The following MCM9 variants were observed in gnomAD, a reference collection of about 807,000 sequenced individuals.
MCM9 encodes DNA helicase MCM9.
MCM9 carries 55 observed loss-of-function variants against 72.8 expected under a neutral mutation model. The observed-to-expected ratio is 0.76, with a 90% CI of 0.61 to 0.95. MCM9 has a LOEUF of 0.95. MCM9 is among the 40% of genes least tolerant of loss of function. MCM9 has a pLI of 0.00. For missense variants in MCM9, 1,279 were observed against 1,377.0 expected (o/e 0.93, Z 1.13); for synonymous variants, 480 against 503.4 (o/e 0.95, Z 0.62).
rs1780561822 is a variant in MCM9, at chr6:118,911,681, C to T, written c.1119G>A (p.Val373=). ...KYAAKITPRS[V]LTTGIGSTSA... ...TAGTAGATCCAATTCCTGTGGTCAGCACAGATCTTGGTGTAATCTTTGCTG... is the reference window on the plus strand; with the variant it reads ...TAGTAGATCCAATTCCTGTGGTCAGTACAGATCTTGGTGTAATCTTTGCTG... The change falls in exon 8 of 14, where the codon GTG becomes GTA. Residue 373 remains valine (V), a synonymous_variant. Transcript: ENST00000619706. 1 of 1,613,438 alleles carries T rather than the reference C, an allele frequency of 6.2e-7. No individual in the cohort carries two copies. Among genetic ancestry groups the T allele is most frequent in the African/African-American group, 1.3e-5 (1 of 74,870 alleles).
intron 9 of MCM9, among the ~76,000 whole-genome samples, chr6:118,854,345 T>C (rs1423743540): frequency 6.6e-6 from 1 of 152,032 alleles, no homozygotes; most frequent in African/African-American, 2.4e-5. Flanking sequence ...GAGACGCAGG[T>C]GTTTTTTGTT....
chr6:118,930,288 A>G (rs971894426), intron 3 of MCM9, among the ~76,000 whole-genome samples: 3 of 151,422 alleles, frequency 2.0e-5, no homozygotes, highest in Non-Finnish European at 2.9e-5. Context: ...TTTTTTTTGT[A>G]TTTTTTGTAG....
chr6:118,814,489 T>C lies in MCM9; in HGVS notation c.*335A>G, dbSNP rs1773286563. On this transcript the variant is annotated 3_prime_UTR_variant, in exon 14 of 14. Transcript: ENST00000619706. ...GTTCCTGAGTGAATGAAAGAAGAAA[T>C]TAATCTAGGGAAGAACCTCTCCCCC... 5.4e-6 allele frequency: 1 copy of C among 184,324 alleles called. No homozygotes were observed. Among genetic ancestry groups the C allele is most frequent in the South Asian group, 1.9e-4 (1 of 5,200 alleles). The allele number at this position is 184,324 out of a possible 1,614,324, so 11.4% of individuals were successfully genotyped here. A position where few individuals can be genotyped will look rare whatever the true frequency, so the allele number is the denominator to read the frequency against.
At chr6:118,836,206 T>C (rs919990616) in intron 9 of MCM9, among the ~76,000 whole-genome samples, 1 of 152,206 alleles carries the variant, frequency 6.6e-6, no homozygotes, top group African/African-American at 2.4e-5. Context: ...GCCAACTTGA[T>C]CGTGGTGGAC....
At chr6:118,931,868 C>T in intron 2 of MCM9, 130 bp from the exon 3 acceptor site, 1 of 692,838 alleles carries the variant, frequency 1.4e-6, no homozygotes, top group Non-Finnish European at 2.3e-6. Flanking sequence ...TATCTGAATT[C>T]AAATCTTAAT....
chr6:118,906,580 T>C (rs576309117), intron 8 of MCM9, among the ~76,000 whole-genome samples: 1 of 152,330 alleles, frequency 6.6e-6, no homozygotes, highest in South Asian at 2.1e-4. Flanking sequence ...ATGAATACGG[T>C]TATCTCAAAA....
intron 8 of MCM9, among the ~76,000 whole-genome samples, chr6:118,873,324 C>T (rs1005105366): frequency 1.3e-5 from 2 of 151,958 alleles, no homozygotes; most frequent in South Asian, 2.1e-4. Context: ...ACACAGAAAG[C>T]AATGACAATC....
rs150000893 is a variant in MCM9, at chr6:118,864,239, C to T, written c.1151-7694G>A. ...CCACCATTCCCCGAGTCCCCAAAGT[C>T]CATTATATCATTCTCATGCTTTTGC... On this transcript the variant is annotated intron_variant, in intron 8 of 13. Coordinates refer to ENST00000619706, the MANE Select transcript of MCM9 (RefSeq NM_017696.3). Among the ~76,000 whole-genome samples, 805 of 152,132 alleles carry T rather than the reference C, an allele frequency of 5.3e-3. 8 individuals are homozygous for T. The highest frequency in any genetic ancestry group is 0.019 in the African/African-American group (779 of 41,470).
chr6:118,927,253 G>A (rs1346672986), intron 3 of MCM9, among the ~76,000 whole-genome samples: 1 of 152,198 alleles, frequency 6.6e-6, no homozygotes. Context: ...CTGACGTTAT[G>A]CATGATTGAA....
chr6:118,905,368 CT>C (rs35820434), intron 8 of MCM9, among the ~76,000 whole-genome samples: 128,689 of 152,172 alleles, frequency 0.85, 54,522 homozygotes, highest in East Asian at 0.93. Context: ...GTGTATAATC[CT>C]TTCATGAACC....
At chr6:118,858,425 G>C (rs1776702624) in intron 8 of MCM9, among the ~76,000 whole-genome samples, 1 of 152,032 alleles carries the variant, frequency 6.6e-6, no homozygotes, top group African/African-American at 2.4e-5. Context: ...AAGACTGAAT[G>C]TTTCCTCATC....
chr6:118,910,421 C>A (rs887250419), intron 8 of MCM9, among the ~76,000 whole-genome samples: 11 of 152,036 alleles, frequency 7.2e-5, no homozygotes, highest in African/African-American at 2.4e-4. Flanking sequence ...ATGATCTTTG[C>A]ATTAAAAAGG....
chr6:118,908,380 TTAAGAA>T (rs1780314221), intron 8 of MCM9: 1 of 152,118 alleles, frequency 6.6e-6, no homozygotes, highest in African/African-American at 2.4e-5. Context: ...CTCCCTGTGT[TTAAGAA>T]TAGGGGATTA....
Position 118,917,689 on chromosome 6 carries a change from A to G in MCM9, c.776T>C (p.Val259Ala), listed in dbSNP as rs1379934572. 1 of 1,613,972 alleles carries G rather than the reference A, an allele frequency of 6.2e-7. No individual in the cohort carries two copies. The highest frequency in any genetic ancestry group is 8.5e-7 in the Non-Finnish European group (1 of 1,180,022). Reference sequence around the variant, plus strand: ...GTAATTTGCTTTCAGGACTATCTCCACTTCACAGCGCACATCTTGCTGAAA... The same window carrying G: ...GTAATTTGCTTTCAGGACTATCTCCGCTTCACAGCGCACATCTTGCTGAAA... ...KPFQQDVRCE[V>A]EIVLKANYIQ... is the part of the protein sequence containing the mutation. The change falls in exon 6 of 14, where the codon GTG becomes GCG. Residue 259 changes from valine (V) to alanine (A), a missense_variant. Transcript: ENST00000619706.
chr6:118,920,742 G>T (rs1377344156), intron 5 of MCM9: 5 of 152,192 alleles, frequency 3.3e-5, no homozygotes, highest in Non-Finnish European at 5.9e-5. Flanking sequence ...TAAACTTCCT[G>T]ATGCCTCAGA....
At chr6:118,834,270 T>C (rs1774797370) in intron 9 of MCM9, among the ~76,000 whole-genome samples, 1 of 152,236 alleles carries the variant, frequency 6.6e-6, no homozygotes, top group South Asian at 2.1e-4. Context: ...TTGATGGGCA[T>C]TTGGGTTACT....
In MCM9 at chr6:118,899,706, C is replaced by T. The variant is rs532764622; in HGVS notation, c.1150+11944G>A. Among the ~76,000 whole-genome samples, 465 of 152,284 alleles carry T rather than the reference C, an allele frequency of 3.1e-3. 16 individuals are homozygous for T. In the South Asian group the frequency reaches 0.078, roughly 25 times the overall value. Reference sequence around the variant, plus strand: ...TACAATACAATATAAATAAGCAGTACGTTACTATTTCTATTATCAATTTAG... The same window carrying T: ...TACAATACAATATAAATAAGCAGTATGTTACTATTTCTATTATCAATTTAG... On this transcript the variant is annotated intron_variant, in intron 8 of 13. Coordinates refer to ENST00000619706, the MANE Select transcript of MCM9 (RefSeq NM_017696.3).
chr6:118,924,031 C>T lies in MCM9; in HGVS notation c.401G>A (p.Ser134Asn). ...CTCAAACTCCAGAACCTTCACCAGA[C>T]TTGTTCGAATCACTGTCCCAGTGAC... ...LSVTGTVIRT[S>N]LVKVLEFERD... is the part of the protein sequence containing the mutation. Residue 134 changes from serine to asparagine, a missense_variant, in exon 4 of 14, where the codon AGT (serine) becomes AAT (asparagine). Physicochemically the swap from Ser to Asn is conservative, Grantham distance 46. Transcript: ENST00000619706. The T allele has an allele frequency of 6.2e-7, 1 of 1,614,206 alleles. No homozygotes were observed. Among genetic ancestry groups the T allele is most frequent in the Non-Finnish European group, 8.5e-7 (1 of 1,180,034 alleles).
intron 9 of MCM9, among the ~76,000 whole-genome samples, chr6:118,832,429 G>A (rs1774627465): frequency 6.6e-6 from 1 of 152,122 alleles, no homozygotes; most frequent in Non-Finnish European, 1.5e-5. Flanking sequence ...TCCTCACACT[G>A]CCTGGTACAT....
Sources: allele counts gnomAD v4.1 joint callset (sites outside exome capture counted in the v4.1 genomes callset), GRCh38; gene constraint gnomAD v4.1.1; transcripts MANE v1.5; gene names NCBI Gene and HGNC (gene_info 2026-07-23, HGNC 2026-07-21).